FBXO25: variants seen among roughly 807,000 people sequenced by gnomAD.
FBXO25 encodes the protein F-box only protein 25.
Under a neutral mutation model 51.9 loss-of-function variants are expected in FBXO25, and 45 were observed. The ratio of observed to expected loss-of-function variants is 0.87; its 90% confidence interval spans 0.68 to 1.11. The LOEUF is 1.11. FBXO25 is among the 50% of genes most tolerant of loss of function. The pLI is 0.00. For synonymous variants in FBXO25, 199 were observed against 151.0 expected, an observed-to-expected ratio of 1.32 and a Z score of -2.33; for missense variants, 507 against 428.5, an observed-to-expected ratio of 1.18 and a Z score of -1.62.
intron 1 of FBXO25, chr8:407,402 G>A (rs1281167833): frequency 2.0e-6 from 2 of 984,432 alleles, no homozygotes; most frequent in Admixed American, 6.2e-5. Context: ...ACGATGGGCC[G>A]CGGGCGCGTC....
chr8:419,258 A>G (rs1172741276), intron 2 of FBXO25, among the ~76,000 whole-genome samples: 2 of 152,064 alleles, frequency 1.3e-5, no homozygotes, highest in African/African-American at 2.4e-5. Flanking sequence ...AATCCCAGCT[A>G]CTCAGGAAGC....
chr8:453,234 T>A (rs1178211800), intron 7 of FBXO25, among the ~76,000 whole-genome samples: 2 of 152,218 alleles, frequency 1.3e-5, no homozygotes, highest in Admixed American at 6.5e-5. Flanking sequence ...GGTGCCAGTT[T>A]TCGTCATGTC....
At position 473,198 on chromosome 8, in the gene FBXO25, T is replaced by C. The variant is rs1034803605; in HGVS notation, c.*4394T>C. On this transcript the variant is annotated 3_prime_UTR_variant, in exon 10 of 10. Coordinates refer to ENST00000350302, the MANE Select transcript of FBXO25 (RefSeq NM_183420.2). ...GCAGACCCTCAACTTTGGAAAGCAGTGTCCCCCCGCGTCCCATGGGCTAAA... is the reference window on the plus strand; with the variant it reads ...GCAGACCCTCAACTTTGGAAAGCAGCGTCCCCCCGCGTCCCATGGGCTAAA... 2.0e-5 allele frequency: 3 copies of C among 152,328 alleles called. No homozygotes were observed. Among genetic ancestry groups the C allele is most frequent in the African/African-American group, 7.2e-5 (3 of 41,478 alleles). The allele number at this position is 152,328 out of a possible 1,614,324, so 9.4% of individuals were successfully genotyped here.
chr8:473,065 T>TGACA lies in FBXO25; in HGVS notation c.*4262_*4265dup, dbSNP rs1274444685. On this transcript the variant is annotated 3_prime_UTR_variant, in exon 10 of 10. Transcript: ENST00000350302. ...ACCAGCCATTGGGGCCCTCTATGGC[T>TGACA]GACACCAGCATCCACCCTGCACTCA... 6.6e-6 allele frequency: 1 copy of TGACA among 152,490 alleles called. No individual in the cohort carries two copies. The highest frequency in any genetic ancestry group is 2.4e-5 in the African/African-American group (1 of 41,480). 9.4% of individuals were successfully genotyped at this position (152,490 alleles called of 1,614,324 possible). A position where few individuals can be genotyped will look rare whatever the true frequency, so the allele number is the denominator to read the frequency against.
chr8:425,096 G>T (rs1164612703), intron 2 of FBXO25, among the ~76,000 whole-genome samples: 6 of 151,992 alleles, frequency 3.9e-5, no homozygotes, highest in Non-Finnish European at 8.8e-5. Context: ...CCGGGTCAAG[G>T]AATAGAACTT....
chr8:468,619 T>G (rs1003517211), intron 9 of FBXO25, 96 bp from the exon 10 acceptor site: 1 of 879,152 alleles, frequency 1.1e-6, no homozygotes, highest in African/African-American at 1.7e-5. Flanking sequence ...GGGCCCAGGG[T>G]CCACATCAAC....
intron 5 of FBXO25, among the ~76,000 whole-genome samples, chr8:447,767 A>G (rs1160712649): frequency 6.6e-6 from 1 of 152,198 alleles, no homozygotes; most frequent in Non-Finnish European, 1.5e-5. Context: ...ATTTTGTGCA[A>G]CCCATCACAT....
At chr8:413,653 C>T (rs1248590813) in intron 2 of FBXO25, among the ~76,000 whole-genome samples, 1 of 152,216 alleles carries the variant, frequency 6.6e-6, no homozygotes, top group East Asian at 1.9e-4. Flanking sequence ...TCTTGTCGCT[C>T]TGCCATCCCA....
intron 4 of FBXO25, among the ~76,000 whole-genome samples, chr8:435,080 G>T (rs1798023443): frequency 6.6e-6 from 1 of 152,118 alleles, no homozygotes; most frequent in South Asian, 2.1e-4. Context: ...CCTGATCCTT[G>T]TGGTTGAGCA....
chr8:433,002 A>G, intron 4 of FBXO25, 67 bp downstream of exon 4: 3 of 1,461,350 alleles, frequency 2.1e-6, no homozygotes, highest in Non-Finnish European at 2.7e-6. Flanking sequence ...GTCACATTAA[A>G]TAAATGTATT....
chr8:433,436 C>T (rs1372033869), intron 4 of FBXO25, among the ~76,000 whole-genome samples: 2 of 152,084 alleles, frequency 1.3e-5, no homozygotes, highest in Non-Finnish European at 2.9e-5. Context: ...CTCCCTGTGG[C>T]GTGTTTTGGA....
chr8:449,462 A>C (rs1327997970), intron 5 of FBXO25, among the ~76,000 whole-genome samples: 3 of 152,236 alleles, frequency 2.0e-5, no homozygotes, highest in Admixed American at 2.0e-4. Context: ...TTTATTTGCT[A>C]TTTAATAATG....
chr8:449,061 A>G (rs1282366216), intron 5 of FBXO25, among the ~76,000 whole-genome samples: 5 of 150,648 alleles, frequency 3.3e-5, no homozygotes, highest in Non-Finnish European at 5.9e-5. Flanking sequence ...ATAACTTTAT[A>G]CACATAACCT....
At position 471,840 on chromosome 8, in the gene FBXO25, T is replaced by C. The variant is rs184280348; in HGVS notation, c.*3036T>C. The C allele has an allele frequency of 3.3e-4, 51 of 152,370 alleles. No homozygotes were observed. The highest frequency in any genetic ancestry group is 1.1e-3 in the African/African-American group (46 of 41,576). The allele number at this position is 152,370 out of a possible 1,614,324, so 9.4% of individuals were successfully genotyped here. A position where few individuals can be genotyped will look rare whatever the true frequency, so the allele number is the denominator to read the frequency against. Reference sequence around the variant, plus strand: ...GCTCTCTGTATGCACTGTGTGTGCGTACTGTACAGGGCTGTACACAGCAAA... The same window carrying C: ...GCTCTCTGTATGCACTGTGTGTGCGCACTGTACAGGGCTGTACACAGCAAA... On this transcript the variant is annotated 3_prime_UTR_variant, in exon 10 of 10. Transcript: ENST00000350302.
intron 9 of FBXO25, chr8:467,854 G>T: frequency 6.3e-7 from 1 of 1,585,636 alleles, no homozygotes; most frequent in Admixed American, 1.7e-5. Flanking sequence ...TCCAGCTCTC[G>T]CTGACTTGAG....
At chr8:422,037 T>C (rs905791433) in intron 2 of FBXO25, among the ~76,000 whole-genome samples, 5 of 152,050 alleles carry the variant, frequency 3.3e-5, no homozygotes, top group African/African-American at 1.2e-4. Flanking sequence ...ATAGAAGGAA[T>C]AAGGGAAATA....
At chr8:429,750 G>C (rs892331435) in intron 2 of FBXO25, among the ~76,000 whole-genome samples, 4 of 152,172 alleles carry the variant, frequency 2.6e-5, no homozygotes, top group African/African-American at 9.7e-5. Context: ...GTCTGACATA[G>C]ACTCCCCAAG....
chr8:461,563 G>A (rs1799814775), intron 8 of FBXO25, among the ~76,000 whole-genome samples: 2 of 152,272 alleles, frequency 1.3e-5, no homozygotes, highest in Admixed American at 6.5e-5. Flanking sequence ...CCCTCCCACG[G>A]CACATGGGAA....
chr8:464,733 G>A (rs547365006), intron 9 of FBXO25, among the ~76,000 whole-genome samples: 80 of 152,296 alleles, frequency 5.3e-4, no homozygotes, highest in African/African-American at 1.7e-3. Context: ...ATGTAAAGAT[G>A]TGTTTTTCTT....
Sources: allele counts gnomAD v4.1 joint callset (sites outside exome capture counted in the v4.1 genomes callset), GRCh38; gene constraint gnomAD v4.1.1; transcripts MANE v1.5; gene names NCBI Gene and HGNC (gene_info 2026-07-23, HGNC 2026-07-21).